The following PRDM15 variants were observed in gnomAD, a reference collection of about 807,000 sequenced individuals.
PRDM15 encodes the protein PR/SET domain 15, also known as PR domain zinc finger protein 15.
Under a neutral mutation model 128.6 loss-of-function variants are expected in PRDM15, and 64 were observed. The observed-to-expected ratio is 0.50, with a 90% CI of 0.41 to 0.61. The LOEUF is 0.61. PRDM15 is among the 20% of genes least tolerant of loss of function. The pLI is 0.00. For synonymous variants in PRDM15, 615 were observed against 621.8 expected, an observed-to-expected ratio of 0.99 and a Z score of 0.16; for missense variants, 1,242 against 1,569.1, an observed-to-expected ratio of 0.79 and a Z score of 3.52.
At chr21:41,836,713 G>A (rs1310893329) in intron 8 of PRDM15, 64 bp from the exon 9 acceptor site, 2 of 1,408,100 alleles carry the variant, frequency 1.4e-6, no homozygotes, top group African/African-American at 1.4e-5. Flanking sequence ...GTTACAAGCA[G>A]CATGAAAACG....
intron 13 of PRDM15, among the ~76,000 whole-genome samples, chr21:41,824,010 G>T (rs138622028): frequency 3.9e-5 from 6 of 152,278 alleles, no homozygotes; most frequent in African/African-American, 1.2e-4. Flanking sequence ...GACAGATGTG[G>T]CCCCACTGGC....
chr21:41,874,073 A>G (rs1445780056), intron 1 of PRDM15, among the ~76,000 whole-genome samples: 2 of 142,958 alleles, frequency 1.4e-5, no homozygotes, highest in South Asian at 2.2e-4. Context: ...GTCTCGGGAA[A>G]AAAAAAAAAA....
intron 1 of PRDM15, among the ~76,000 whole-genome samples, chr21:41,863,533 C>T (rs2063896364): frequency 6.6e-6 from 1 of 152,022 alleles, no homozygotes. Context: ...ATCAGGAAAC[C>T]AAACTTATCA....
At chr21:41,829,204 CATACAT>C (rs1290249417) in intron 11 of PRDM15, among the ~76,000 whole-genome samples, 2 of 138,590 alleles carry the variant, frequency 1.4e-5, no homozygotes, top group East Asian at 2.2e-4. Context: ...CACACATACA[CATACAT>C]GTCACACACA....
At chr21:41,852,404 G>C (rs2145825809) in intron 5 of PRDM15, among the ~76,000 whole-genome samples, 1 of 152,338 alleles carries the variant, frequency 6.6e-6, no homozygotes, top group Non-Finnish European at 1.5e-5. Context: ...CTTGGGCTCT[G>C]CTCAGAGAGC....
At position 41,810,348 on chromosome 21, in the gene PRDM15, A is replaced by G. The variant is rs769642468; in HGVS notation, c.2477-19T>C. ...TTGCCCACTTTTCACACACACGCAG[A>G]CACACATGCGCGTGGAAAGGAAGAG... is the stretch of plus-strand genomic sequence containing the variant. On this transcript the variant is annotated intron_variant, in intron 20 of 23. Coordinates refer to ENST00000398548, the MANE Select transcript of PRDM15 (RefSeq NM_001040424.3). This position sits in a 1 kb window ranked among gnomAD's most constrained non-coding sequence, Gnocchi z 6.4. 1 of 1,583,900 alleles carries G rather than the reference A, an allele frequency of 6.3e-7. No homozygotes were observed. Among genetic ancestry groups the G allele is most frequent in the Non-Finnish European group, 8.5e-7 (1 of 1,174,356 alleles).
chr21:41,859,167 C>T lies in PRDM15; in HGVS notation c.131+425G>A, dbSNP rs2063733835. 1 of 1,613,984 alleles carries T rather than the reference C, an allele frequency of 6.2e-7. No individual in the cohort carries two copies. Among genetic ancestry groups the T allele is most frequent in the Non-Finnish European group, 8.5e-7 (1 of 1,180,014 alleles). On this transcript the variant is annotated intron_variant, in intron 3 of 23. Coordinates refer to ENST00000398548, the MANE Select transcript of PRDM15 (RefSeq NM_001040424.3). The surrounding 1 kb of genome is among the most constrained non-coding windows in gnomAD (Gnocchi z 5.3). ...TGCTGTGGGTCAGCCCTGTCCCTGT[C>T]CTCATAACCCCGCATCCCCTGCCCC...
At chr21:41,871,666 C>G (rs1333566516) in intron 1 of PRDM15, 16 of 1,570,282 alleles carry the variant, frequency 1.0e-5, no homozygotes, top group Non-Finnish European at 1.4e-5. Context: ...GAGAAGCCCA[C>G]TGTCCCTCTC....
chr21:41,870,352 T>A (rs1322508942), intron 1 of PRDM15, among the ~76,000 whole-genome samples: 1 of 152,172 alleles, frequency 6.6e-6, no homozygotes, highest in Admixed American at 6.5e-5. Flanking sequence ...ACCAGGCACA[T>A]CTCAAGTGCT....
intron 21 of PRDM15, among the ~76,000 whole-genome samples, chr21:41,808,853 AT>A (rs1397279968): frequency 6.6e-6 from 1 of 152,218 alleles, no homozygotes; most frequent in Non-Finnish European, 1.5e-5. Flanking sequence ...TCACGTTCTT[AT>A]TGTAGGGTTG....
Position 41,839,810 on chromosome 21 carries a change from T to A in PRDM15, c.684A>T (p.Pro228=). The A allele has an allele frequency of 6.2e-7, 1 of 1,614,262 alleles. No individual in the cohort carries two copies. Among genetic ancestry groups the A allele is most frequent in the Non-Finnish European group, 8.5e-7 (1 of 1,180,046 alleles). The part of the protein sequence containing the change: ...GHLEQAKSLP[P]GSQSEAAAPE... ...GAGCTGCTGCCTCGCTTTGGCTGCCTGGAGGAAGGCTTTTGGCTTGTTCTA... is the reference window on the plus strand; with the variant it reads ...GAGCTGCTGCCTCGCTTTGGCTGCCAGGAGGAAGGCTTTTGGCTTGTTCTA... The change falls in exon 7 of 24, where the codon CCA becomes CCT. Residue 228 remains proline (P), a synonymous_variant. Coordinates refer to ENST00000398548, the MANE Select transcript of PRDM15 (RefSeq NM_001040424.3).
chr21:41,838,064 C>G lies in PRDM15; in HGVS notation c.872-1G>C. The G allele has an allele frequency of 1.9e-6, 3 of 1,613,878 alleles. No homozygotes were observed. Among genetic ancestry groups the G allele is most frequent in the Non-Finnish European group, 2.5e-6 (3 of 1,179,964 alleles). On this transcript the variant is annotated splice_acceptor_variant, in intron 7 of 23. Transcript: ENST00000398548. LOFTEE classifies it high-confidence loss of function. ...TCGGTAATGATCTCTGCCACTTGCT[C>G]TGTACGAAGGGGATGTGACAAGCTA...
chr21:41,860,463 G>C, intron 1 of PRDM15, 91 bp from the exon 2 acceptor site: 4 of 1,111,748 alleles, frequency 3.6e-6, no homozygotes, highest in Non-Finnish European at 4.1e-6. Context: ...CTGTTGCCCA[G>C]GATAGATAGA....
At chr21:41,824,832 A>T (rs1444836741) in intron 13 of PRDM15, among the ~76,000 whole-genome samples, 3 of 152,258 alleles carry the variant, frequency 2.0e-5, no homozygotes, top group Middle Eastern at 3.2e-3. Context: ...AGGAAATTTC[A>T]TATAAACACT....
intron 5 of PRDM15, among the ~76,000 whole-genome samples, chr21:41,847,919 G>A (rs1204551008): frequency 3.3e-5 from 5 of 152,218 alleles, no homozygotes; most frequent in Admixed American, 6.5e-5. Flanking sequence ...GCTATAAAGA[G>A]AACTACAGGC....
rs1365804258 is a variant in PRDM15, at chr21:41,798,910, TCAGA to T, written c.*2326_*2329del. 6.6e-6 allele frequency: 1 copy of T among 152,224 alleles called. No homozygotes were observed. Among genetic ancestry groups the T allele is most frequent in the African/African-American group, 2.4e-5 (1 of 41,456 alleles). The allele number at this position is 152,224 out of a possible 1,614,324, so 9.4% of individuals were successfully genotyped here. On this transcript the variant is annotated 3_prime_UTR_variant, in exon 24 of 24. Transcript: ENST00000398548. ...TTGCTTTAAGACAACCCATTTTGCCTCAGACAGTGACCCTATTAAGACCACGTAT... is the reference window on the plus strand; with the variant it reads ...TTGCTTTAAGACAACCCATTTTGCCTCAGTGACCCTATTAAGACCACGTAT...
At chr21:41,836,849 G>A (rs1177145384) in intron 8 of PRDM15, 200 bp from the exon 9 acceptor site, 2 of 458,438 alleles carry the variant, frequency 4.4e-6, no homozygotes, top group Non-Finnish European at 3.9e-6. Flanking sequence ...ATGACATTAG[G>A]CAGCTTTAGC....
rs936735209 is a variant in PRDM15, at chr21:41,828,431, C to T, written c.1367-98G>A. 4.4e-5 allele frequency: 56 copies of T among 1,286,504 alleles called. No homozygotes were observed. Among genetic ancestry groups the T allele is most frequent in the African/African-American group, 2.5e-4 (17 of 68,890 alleles). The allele number at this position is 1,286,504 out of a possible 1,614,324, so 79.7% of individuals were successfully genotyped here. Reference sequence around the variant, plus strand: ...CTGAACGTCAATAAAGCGCGGGTGACGGGCATGAGAGTCACGGGGATGCGT... The same window carrying T: ...CTGAACGTCAATAAAGCGCGGGTGATGGGCATGAGAGTCACGGGGATGCGT... On this transcript the variant is annotated intron_variant, in intron 11 of 23. Transcript: ENST00000398548. The surrounding 1 kb of genome is among the most constrained non-coding windows in gnomAD (Gnocchi z 5.7).
intron 21 of PRDM15, among the ~76,000 whole-genome samples, chr21:41,808,860 G>A (rs2061764686): frequency 6.6e-6 from 1 of 152,196 alleles, no homozygotes; most frequent in Non-Finnish European, 1.5e-5. Flanking sequence ...CTTATTGTAG[G>A]GTTGGAATAG....
Sources: gnomAD v4.1 joint callset for allele counts (sites outside exome capture counted in the v4.1 genomes callset) on GRCh38, gnomAD v4.1.1 for gene constraint, Gnocchi (gnomAD v3.1) non-coding constraint, MANE v1.5 for transcripts, NCBI Gene and HGNC (gene_info 2026-07-23, HGNC 2026-07-21) for gene names.